The following PSD3 variants were observed in gnomAD, a reference collection of about 807,000 sequenced individuals.
PSD3 encodes the protein pleckstrin and Sec7 domain containing 3.
PSD3 carries 49 observed loss-of-function variants against 105.5 expected under a neutral mutation model. The ratio of observed to expected loss-of-function variants is 0.46; its 90% CI spans 0.37 to 0.59. The LOEUF (loss-of-function observed/expected upper bound fraction) is 0.59, where lower values mean the gene tolerates loss of function less well. PSD3 is among the 20% of genes least tolerant of loss of function. The pLI is 0.00. For missense variants in PSD3, 1,561 were observed against 1,263.8 expected (o/e 1.24, Z -3.57); for synonymous variants, 557 against 457.8 (o/e 1.22, Z -2.77).
intron 9 of PSD3, among the ~76,000 whole-genome samples, chr8:18,697,117 C>T (rs1325693748): frequency 6.6e-6 from 1 of 152,094 alleles, no homozygotes; most frequent in Non-Finnish European, 1.5e-5. Context: ...AACATGTAAT[C>T]AATAAAAACA....
At chr8:18,829,370 G>A (rs903850611) in intron 4 of PSD3, among the ~76,000 whole-genome samples, 1 of 152,160 alleles carries the variant, frequency 6.6e-6, no homozygotes, top group African/African-American at 2.4e-5. Context: ...AGGTTATCTA[G>A]TAACCCAAGA....
chr8:18,595,683 A>G (rs1563361230), intron 12 of PSD3, among the ~76,000 whole-genome samples: 1 of 152,100 alleles, frequency 6.6e-6, no homozygotes, highest in Admixed American at 6.6e-5. Flanking sequence ...AAAGAATGAC[A>G]TATAATAATG....
chr8:18,638,436 A>G (rs1435498190), intron 10 of PSD3, among the ~76,000 whole-genome samples: 1 of 152,142 alleles, frequency 6.6e-6, no homozygotes, highest in Non-Finnish European at 1.5e-5. Flanking sequence ...TAAAGTCAGT[A>G]AAGTTTTAGA....
intron 4 of PSD3, among the ~76,000 whole-genome samples, chr8:18,859,344 A>T (rs979890593): frequency 1.3e-5 from 2 of 151,694 alleles, no homozygotes; most frequent in Non-Finnish European, 2.9e-5. Flanking sequence ...TTCCTAGAGC[A>T]CAGGCAGAGT....
chr8:18,752,600 TTATATATAATAC>T (rs1563225735), intron 9 of PSD3, among the ~76,000 whole-genome samples: 990 of 82,714 alleles, frequency 0.012, 14 homozygotes, highest in African/African-American at 0.021. Context: ...ATATTATATA[TTATATATAATAC>T]ATATAATATA....
intron 8 of PSD3, among the ~76,000 whole-genome samples, chr8:18,767,589 A>C (rs1028380232): frequency 1.3e-5 from 2 of 152,030 alleles, no homozygotes; most frequent in Non-Finnish European, 2.9e-5. Flanking sequence ...CTACTGAAAA[A>C]TACATAAATT....
At chr8:18,895,712 G>A (rs561548489) in intron 2 of PSD3, among the ~76,000 whole-genome samples, 2 of 152,122 alleles carry the variant, frequency 1.3e-5, no homozygotes, top group African/African-American at 2.4e-5. Flanking sequence ...AAGATACAGT[G>A]TATTTCCACA....
At chr8:18,696,295 G>A (rs555796213) in intron 9 of PSD3, among the ~76,000 whole-genome samples, 4 of 152,206 alleles carry the variant, frequency 2.6e-5, no homozygotes, top group Middle Eastern at 3.4e-3. Flanking sequence ...CATACAGGCC[G>A]GAAACTTCAC....
chr8:18,882,316 T>C (rs1818159502), intron 2 of PSD3, among the ~76,000 whole-genome samples: 1 of 152,206 alleles, frequency 6.6e-6, no homozygotes, highest in Non-Finnish European at 1.5e-5. Flanking sequence ...GTCCTACCCG[T>C]TGCTTCTAAG....
intron 4 of PSD3, among the ~76,000 whole-genome samples, chr8:18,867,314 C>A (rs189060363): frequency 7.7e-4 from 118 of 152,318 alleles, no homozygotes; most frequent in Admixed American, 1.9e-3. Context: ...AAGTCTTCAA[C>A]CACCCTCAGT....
intron 1 of PSD3, among the ~76,000 whole-genome samples, chr8:19,074,201 C>T (rs993620778): frequency 2.0e-5 from 3 of 152,170 alleles, no homozygotes; most frequent in Admixed American, 2.0e-4. Flanking sequence ...ACGGTCTGAC[C>T]AGCAAACAGC....
At chr8:18,975,454 A>G (rs1311088091) in intron 1 of PSD3, among the ~76,000 whole-genome samples, 1 of 152,094 alleles carries the variant, frequency 6.6e-6, no homozygotes, top group Admixed American at 6.5e-5. Flanking sequence ...CACGCAGAAG[A>G]GCGTTTGTAG....
intron 9 of PSD3, among the ~76,000 whole-genome samples, chr8:18,752,550 A>ACATAAT (rs1563225305): frequency 1.8e-4 from 2 of 11,350 alleles, no homozygotes; most frequent in African/African-American, 5.1e-4. Flanking sequence ...TATATATTAT[A>ACATAAT]TATAATTATA....
At chr8:18,787,960 T>C (rs537931184) in intron 8 of PSD3, among the ~76,000 whole-genome samples, 38 of 152,356 alleles carry the variant, frequency 2.5e-4, no homozygotes, top group African/African-American at 8.9e-4. Context: ...GTAAATATTT[T>C]AGGCTTTGCA....
intron 2 of PSD3, among the ~76,000 whole-genome samples, chr8:18,891,582 C>G (rs1346427908): frequency 6.6e-6 from 1 of 152,100 alleles, no homozygotes; most frequent in Non-Finnish European, 1.5e-5. Flanking sequence ...GAAAAGTCAT[C>G]TTTAAGAAGC....
intron 9 of PSD3, among the ~76,000 whole-genome samples, chr8:18,700,552 G>A (rs951221524): frequency 8.5e-5 from 13 of 152,086 alleles, no homozygotes; most frequent in African/African-American, 9.7e-5. Flanking sequence ...ATGTGCTTCC[G>A]GAGCTAAGAA....
At chr8:18,970,879 TGA>T (rs1213229538) in intron 1 of PSD3, among the ~76,000 whole-genome samples, 1 of 150,896 alleles carries the variant, frequency 6.6e-6, no homozygotes, top group Non-Finnish European at 1.5e-5. Context: ...CTTGGGAGGC[TGA>T]GACAGGAGAA....
chr8:18,832,524 A>G (rs1329622981), intron 4 of PSD3, among the ~76,000 whole-genome samples: 1 of 152,174 alleles, frequency 6.6e-6, no homozygotes, highest in African/African-American at 2.4e-5. Context: ...CAAGTTCACC[A>G]ATAACATGTC....
intron 9 of PSD3, among the ~76,000 whole-genome samples, chr8:18,726,915 C>T (rs572980272): frequency 1.6e-4 from 25 of 152,216 alleles, no homozygotes; most frequent in East Asian, 1.5e-3. Context: ...AGGCTGGGTG[C>T]GGTGGCTCAT....
Sources: gnomAD v4.1 joint callset for allele counts (sites outside exome capture counted in the v4.1 genomes callset) on GRCh38, gnomAD v4.1.1 for gene constraint, MANE v1.5 for transcripts, NCBI Gene and HGNC (gene_info 2026-07-23, HGNC 2026-07-21) for gene names.